Variants in COX10 observed in about 807,000 individuals in gnomAD.
COX10 encodes protoheme IX farnesyltransferase, mitochondrial.
COX10 carries 27 observed loss-of-function variants against 37.3 expected under a neutral mutation model. That is an observed-to-expected ratio of 0.72 (90% CI 0.53 to 1.00). COX10 has a LOEUF of 1.00. Ranked by LOEUF, COX10 falls within the 50% of genes least tolerant of loss-of-function variation. The probability of loss-of-function intolerance (pLI) is 0.00; values close to 1 mark genes in which losing one functional copy is unlikely to be tolerated. For synonymous variants in COX10, 222 were observed against 229.1 expected, an observed-to-expected ratio of 0.97 and a Z score of 0.28; for missense variants, 475 against 563.2, an observed-to-expected ratio of 0.84 and a Z score of 1.59.
chr17:14,105,338 G>A (rs1915867638), intron 4 of COX10, among the ~76,000 whole-genome samples: 1 of 152,078 alleles, frequency 6.6e-6, no homozygotes, highest in Non-Finnish European at 1.5e-5. Flanking sequence ...AAGTAACACT[G>A]CACAGATCTC....
intron 4 of COX10, among the ~76,000 whole-genome samples, chr17:14,140,984 C>T (rs1010938387): frequency 9.9e-5 from 15 of 151,972 alleles, no homozygotes; most frequent in African/African-American, 3.4e-4. Flanking sequence ...TTGGTACAAA[C>T]TAGTGTCTAC....
chr17:14,183,543 G>A (rs1905928796), intron 5 of COX10, among the ~76,000 whole-genome samples: 2 of 152,150 alleles, frequency 1.3e-5, no homozygotes. Context: ...CAGTGCAAGA[G>A]CACCAACGTT....
chr17:14,109,381 G>C (rs2142205158), intron 4 of COX10, among the ~76,000 whole-genome samples: 1 of 152,244 alleles, frequency 6.6e-6, no homozygotes. Flanking sequence ...CATCTCAGTG[G>C]AGTGAATTTG....
Position 14,141,521 on chromosome 17 carries a change from C to T in COX10, c.625-18356C>T, listed in dbSNP as rs112298761. On this transcript the variant is annotated intron_variant, in intron 4 of 6. Transcript: ENST00000261643. Reference sequence around the variant, plus strand: ...CTCCAGCCTCAGTGTCAGAGCCAGTCCCTGTCTCAAAAAAAAAAAAAAAAA... The same window carrying T: ...CTCCAGCCTCAGTGTCAGAGCCAGTTCCTGTCTCAAAAAAAAAAAAAAAAA... Among the ~76,000 whole-genome samples, 266 of 122,094 alleles carry T rather than the reference C, an allele frequency of 2.2e-3. 3 individuals are homozygous for T. Among genetic ancestry groups the T allele is most frequent in the African/African-American group, 7.5e-3 (248 of 32,922 alleles). The allele number at this position is 122,094 out of a possible 152,430, so 80.1% of individuals were successfully genotyped here.
chr17:14,128,780 A>T (rs990760929), intron 4 of COX10, among the ~76,000 whole-genome samples: 1 of 152,238 alleles, frequency 6.6e-6, no homozygotes, highest in African/African-American at 2.4e-5. Flanking sequence ...AACCTAAACA[A>T]AGGCGGTCAA....
intron 4 of COX10, among the ~76,000 whole-genome samples, chr17:14,128,051 AT>A (rs1916384670): frequency 6.6e-6 from 1 of 151,622 alleles, no homozygotes; most frequent in Non-Finnish European, 1.5e-5. Context: ...AATCTGATTT[AT>A]CTTTTTTTTT....
intron 6 of COX10, among the ~76,000 whole-genome samples, chr17:14,202,937 A>G (rs1326401698): frequency 6.6e-6 from 1 of 152,120 alleles, no homozygotes; most frequent in Non-Finnish European, 1.5e-5. Flanking sequence ...CATGGCTTAA[A>G]TGTCACCTAT....
At chr17:14,130,439 A>G (rs1916438473) in intron 4 of COX10, among the ~76,000 whole-genome samples, 1 of 152,136 alleles carries the variant, frequency 6.6e-6, no homozygotes, top group Admixed American at 6.5e-5. Flanking sequence ...AATACATATA[A>G]TAATGTATTG....
At chr17:14,136,474 G>C (rs550116978) in intron 4 of COX10, among the ~76,000 whole-genome samples, 5 of 151,976 alleles carry the variant, frequency 3.3e-5, no homozygotes, top group Non-Finnish European at 5.9e-5. Context: ...TTCATTTCCA[G>C]TTTGCTCAGA....
chr17:14,133,619 T>C (rs1272565734), intron 4 of COX10, among the ~76,000 whole-genome samples: 2 of 151,630 alleles, frequency 1.3e-5, no homozygotes, highest in African/African-American at 2.4e-5. Flanking sequence ...GCATTTAAAA[T>C]GCCTGCCATC....
intron 4 of COX10, among the ~76,000 whole-genome samples, chr17:14,143,793 T>A (rs564664760): frequency 6.6e-6 from 1 of 152,296 alleles, no homozygotes; most frequent in South Asian, 2.1e-4. Context: ...ATGAGACGTA[T>A]TTTCTCCCTA....
At position 14,207,455 on chromosome 17, in the gene COX10, T is replaced by C; in HGVS notation, c.*242T>C. 1.8e-6 allele frequency: 1 copy of C among 546,622 alleles called. No individual in the cohort carries two copies. The highest frequency in any genetic ancestry group is 3.2e-5 in the East Asian group (1 of 31,320). The allele number at this position is 546,622 out of a possible 1,614,324, so 33.9% of individuals were successfully genotyped here. On this transcript the variant is annotated 3_prime_UTR_variant, in exon 7 of 7. Coordinates refer to ENST00000261643, the MANE Select transcript of COX10 (RefSeq NM_001303.4). ...GAATTATTTTTCCCTTTGAGGGTCT[T>C]TATACATCTCTCCTCCAACCCCACC... is the stretch of plus-strand genomic sequence containing the variant.
At chr17:14,115,578 C>G (rs1916092554) in intron 4 of COX10, among the ~76,000 whole-genome samples, 1 of 152,140 alleles carries the variant, frequency 6.6e-6, no homozygotes, top group Non-Finnish European at 1.5e-5. Flanking sequence ...GATACCTGCA[C>G]TCATATGTTT....
intron 4 of COX10, 123 bp from the exon 5 acceptor site, chr17:14,159,754 G>T (rs550210752): frequency 2.2e-5 from 16 of 725,812 alleles, no homozygotes; most frequent in South Asian, 1.9e-4. Flanking sequence ...AAGTGCCAGG[G>T]TATTGATTTA....
intron 4 of COX10, among the ~76,000 whole-genome samples, chr17:14,157,935 C>G (rs1597526900): frequency 6.6e-6 from 1 of 152,128 alleles, no homozygotes; most frequent in African/African-American, 2.4e-5. Flanking sequence ...GACAAATGCT[C>G]TCTTAATGCT....
Position 14,175,092 on chromosome 17 carries a change from G to C in COX10, c.695+15145G>C, listed in dbSNP as rs74714447. ...GGTTACTGGGAAATAGCGGGGGGGG[G>C]GGGGGTGGATAGGAGGGAATTGGCT... On this transcript the variant is annotated intron_variant, in intron 5 of 6. Transcript: ENST00000261643. 1.1e-4 allele frequency among the ~76,000 whole-genome samples: 8 copies of C among 70,022 alleles called. 2 individuals are homozygous for C. Among genetic ancestry groups the C allele is most frequent in the Non-Finnish European group, 2.2e-4 (6 of 27,566 alleles). 45.9% of individuals were successfully genotyped at this position (70,022 alleles called of 152,430 possible).
In COX10 at chr17:14,192,134, A is replaced by C. The variant is rs1906221278; in HGVS notation, c.841A>C (p.Ser281Arg). Reference protein sequence around the residue: ...TCCYTPLKRISIANTWVGAVV... With the variant: ...TCCYTPLKRIRIANTWVGAVV... ...CTGCTACACACCACTGAAAAGGATCAGCATTGCCAACACATGGGTCGGAGC... is the reference window on the plus strand; with the variant it reads ...CTGCTACACACCACTGAAAAGGATCCGCATTGCCAACACATGGGTCGGAGC... The change falls in exon 6 of 7, where the codon AGC becomes CGC. Residue 281 changes from serine to arginine, a missense_variant. This residue lies in a region of COX10 where 2 missense variants were observed against 33.3 expected (regional missense o/e 0.06). Coordinates refer to ENST00000261643, the MANE Select transcript of COX10 (RefSeq NM_001303.4). 6.2e-7 allele frequency: 1 copy of C among 1,614,148 alleles called. No individual in the cohort carries two copies. Among genetic ancestry groups the C allele is most frequent in the Non-Finnish European group, 8.5e-7 (1 of 1,180,056 alleles).
intron 2 of COX10, among the ~76,000 whole-genome samples, chr17:14,075,733 G>A (rs1428401841): frequency 2.0e-5 from 3 of 152,076 alleles, no homozygotes; most frequent in African/African-American, 7.2e-5. Context: ...GCTCACACCT[G>A]TAATCCCAGC....
At chr17:14,178,711 C>T (rs1905762616) in intron 5 of COX10, among the ~76,000 whole-genome samples, 1 of 152,180 alleles carries the variant, frequency 6.6e-6, no homozygotes, top group South Asian at 2.1e-4. Flanking sequence ...CATGGCGGCC[C>T]TGCCAACCAC....
Sources: allele counts gnomAD v4.1 joint callset (sites outside exome capture counted in the v4.1 genomes callset), GRCh38; gene constraint gnomAD v4.1.1; regional missense constraint gnomAD v4.1.1; transcripts MANE v1.5; gene names NCBI Gene and HGNC (gene_info 2026-07-23, HGNC 2026-07-21).